The following C4orf50 variants were observed in gnomAD, a reference collection of about 807,000 sequenced individuals.
C4orf50 encodes uncharacterized protein C4orf50.
In C4orf50, 80 loss-of-function variants were observed where a neutral mutation model predicts 77.2. The ratio of observed to expected loss-of-function variants is 1.04; its 90% confidence interval spans 0.87 to 1.25. The LOEUF is 1.25. C4orf50 is among the 50% of genes most tolerant of loss of function. C4orf50 has a pLI of 0.00. For missense variants in C4orf50, 1,257 were observed against 1,152.9 expected, an observed-to-expected ratio of 1.09 and a Z score of -1.31; for synonymous variants, 532 against 465.3, an observed-to-expected ratio of 1.14 and a Z score of -1.84.
intron 7 of C4orf50, among the ~76,000 whole-genome samples, chr4:5,945,644 G>A (rs1314754828): frequency 6.6e-6 from 1 of 152,170 alleles, no homozygotes; most frequent in Non-Finnish European, 1.5e-5. Flanking sequence ...GCCTGCCCAA[G>A]GAGGTGCAGA....
chr4:5,974,736 G>A (rs1053846826), intron 30 of C4orf50, among the ~76,000 whole-genome samples: 2 of 152,170 alleles, frequency 1.3e-5, no homozygotes, highest in African/African-American at 4.8e-5. Context: ...ACCAAATTCT[G>A]TGTCCTGCTA....
At chr4:5,928,335 C>T (rs1189846738) in intron 7 of C4orf50, among the ~76,000 whole-genome samples, 2 of 150,370 alleles carry the variant, frequency 1.3e-5, no homozygotes, top group Admixed American at 6.7e-5. Flanking sequence ...AGCTCTTGCT[C>T]TTCCCCTCTC....
In C4orf50 at chr4:5,929,161, C is replaced by T. The variant is rs564425866; in HGVS notation, c.*2474+27740G>A. Among the ~76,000 whole-genome samples, 4 of 152,268 alleles carry T rather than the reference C, an allele frequency of 2.6e-5. No individual in the cohort carries two copies. In the East Asian group the frequency reaches 5.8e-4, roughly 22 times the overall value. On this transcript the variant is annotated intron_variant, in intron 7 of 7. Coordinates refer to the C4orf50 transcript ENST00000324058. ...TGGACATTCAGATTGTTTCTAAGAA[C>T]GCACTATTATAAATCATAGCACGAT...
At chr4:6,016,019 C>T (rs904154392) in intron 23 of C4orf50, among the ~76,000 whole-genome samples, 5 of 152,120 alleles carry the variant, frequency 3.3e-5, no homozygotes, top group Admixed American at 6.5e-5. Context: ...CCTGAGCTGC[C>T]GGGAGAGGCC....
At chr4:5,964,169 G>T (rs1434865930) in intron 33 of C4orf50, among the ~76,000 whole-genome samples, 1 of 152,202 alleles carries the variant, frequency 6.6e-6, no homozygotes, top group Non-Finnish European at 1.5e-5. Flanking sequence ...CGAGGTGAAG[G>T]CAGGGTCTGT....
chr4:5,933,828 T>C (rs752398804), intron 7 of C4orf50, among the ~76,000 whole-genome samples: 2 of 151,984 alleles, frequency 1.3e-5, no homozygotes, highest in Non-Finnish European at 2.9e-5. Context: ...CCAGGGATAG[T>C]GAAGTCCCCT....
chr4:6,001,822 T>C (rs568066395), intron 25 of C4orf50, among the ~76,000 whole-genome samples: 1 of 152,350 alleles, frequency 6.6e-6, no homozygotes, highest in Non-Finnish European at 1.5e-5. Flanking sequence ...ATGTATAGCA[T>C]GTCAGTGTGC....
At chr4:6,004,027 G>GGTGA (rs1722024386) in intron 25 of C4orf50, among the ~76,000 whole-genome samples, 2 of 30,746 alleles carry the variant, frequency 6.5e-5, no homozygotes, top group Non-Finnish European at 1.3e-4. Context: ...TGGTGATAAT[G>GGTGA]TGATAGTGAT....
intron 7 of C4orf50, among the ~76,000 whole-genome samples, chr4:5,938,784 T>TC (rs72598377): frequency 7.6e-6 from 1 of 131,874 alleles, no homozygotes; most frequent in African/African-American, 3.7e-5. Context: ...GATGTCAGTT[T>TC]TTTTTCTTTT....
intron 7 of C4orf50, among the ~76,000 whole-genome samples, chr4:5,907,779 C>T (rs1206886265): frequency 2.0e-5 from 3 of 152,104 alleles, no homozygotes; most frequent in African/African-American, 7.2e-5. Flanking sequence ...AGCAATAGGG[C>T]CAGGGGTCTT....
At chr4:5,993,051 G>A (rs1721383201) in intron 26 of C4orf50, 121 bp from the exon 5 acceptor site, 1 of 393,002 alleles carries the variant, frequency 2.5e-6, no homozygotes, top group Non-Finnish European at 4.4e-6. Context: ...CCCCGACTGT[G>A]AGCCTCCCAA....
chr4:5,935,605 G>C (rs190136360), intron 7 of C4orf50, among the ~76,000 whole-genome samples: 3 of 152,080 alleles, frequency 2.0e-5, no homozygotes, highest in East Asian at 1.9e-4. Flanking sequence ...GGCCAACATA[G>C]TGAAACCCCG....
At chr4:5,918,085 G>A (rs556325206) in intron 7 of C4orf50, among the ~76,000 whole-genome samples, 1 of 152,276 alleles carries the variant, frequency 6.6e-6, no homozygotes, top group Admixed American at 6.5e-5. Context: ...CTGCTGTCAG[G>A]AAGCTCCGGG....
In C4orf50 at chr4:5,964,243, G is replaced by A. The variant is rs375667251; in HGVS notation, c.4275+781C>T. Among the ~76,000 whole-genome samples the A allele has an allele frequency of 1.7e-4, 26 of 152,288 alleles. No individual in the cohort carries two copies. In the South Asian group the frequency reaches 4.1e-3, roughly 24 times the overall value. On this transcript the variant is annotated intron_variant, in intron 33 of 33. Transcript: ENST00000531445. ...GAGCTCTGAGCAGCCTCTTGGGGCCGACAGGGGAAAGGGCTCTCAAATACT... is the reference window on the plus strand; with the variant it reads ...GAGCTCTGAGCAGCCTCTTGGGGCCAACAGGGGAAAGGGCTCTCAAATACT...
At chr4:5,965,639 C>T (rs13105657) in intron 32 of C4orf50, among the ~76,000 whole-genome samples, 52,994 of 152,020 alleles carry the variant, frequency 0.35, 9,469 homozygotes, top group Admixed American at 0.44. Flanking sequence ...AGCAGACCAG[C>T]TAGGATCTGT....
chr4:6,003,845 A>G (rs1380266966), intron 25 of C4orf50, among the ~76,000 whole-genome samples: 691 of 43,298 alleles, frequency 0.016, 67 homozygotes, highest in African/African-American at 0.057. Flanking sequence ...TGTGATAGTG[A>G]TGATGGTGAT....
intron 7 of C4orf50, among the ~76,000 whole-genome samples, chr4:5,941,112 T>C (rs734759): frequency 0.24 from 36,006 of 152,182 alleles, 5,443 homozygotes; most frequent in African/African-American, 0.43. Flanking sequence ...TATTACTCAA[T>C]CATATCTAAT....
intron 30 of C4orf50, among the ~76,000 whole-genome samples, chr4:5,975,460 G>T (rs1369878277): frequency 6.6e-6 from 1 of 151,934 alleles, no homozygotes; most frequent in African/African-American, 2.4e-5. Flanking sequence ...AGCAGGGGCT[G>T]CTGCTTTCTG....
chr4:5,942,174 C>A, intron 7 of C4orf50, among the ~76,000 whole-genome samples: 1 of 152,076 alleles, frequency 6.6e-6, no homozygotes, highest in East Asian at 1.9e-4. Context: ...ACTGAAAAGG[C>A]CTCCTTTCCT....
Sources: allele counts gnomAD v4.1 joint callset (sites outside exome capture counted in the v4.1 genomes callset), GRCh38; gene constraint gnomAD v4.1.1; transcripts MANE v1.5; gene names NCBI Gene and HGNC (gene_info 2026-07-23, HGNC 2026-07-21).